RNF111: variants seen among roughly 807,000 people sequenced by gnomAD.
RNF111 encodes ring finger protein 111.
Under a neutral mutation model 95.1 loss-of-function variants are expected in RNF111, and 17 were observed. That is an observed-to-expected ratio of 0.18 (90% CI 0.12 to 0.27). The LOEUF is 0.27. RNF111 is among the 10% of genes least tolerant of loss of function. The pLI, the probability that RNF111 is intolerant of heterozygous loss-of-function variation, is 1.00. For synonymous variants in RNF111, 440 were observed against 414.8 expected (o/e 1.06, Z -0.74); for missense variants, 1,189 against 1,210.4 (o/e 0.98, Z 0.26).
intron 5 of RNF111, among the ~76,000 whole-genome samples, chr15:59,061,827 A>C (rs2042450254): frequency 6.6e-6 from 1 of 152,074 alleles, no homozygotes; most frequent in African/African-American, 2.4e-5. Flanking sequence ...TGTCACACTA[A>C]ACTCTTTCCT....
At chr15:59,054,907 A>G (rs559677011) in intron 3 of RNF111, among the ~76,000 whole-genome samples, 3 of 152,292 alleles carry the variant, frequency 2.0e-5, no homozygotes, top group East Asian at 1.9e-4. Flanking sequence ...TTTCTAAAAG[A>G]TTTATTTTTT....
At chr15:59,091,740 G>A (rs535428768) in intron 12 of RNF111, among the ~76,000 whole-genome samples, 7 of 152,180 alleles carry the variant, frequency 4.6e-5, no homozygotes, top group South Asian at 4.1e-4. Context: ...TTGACACCAG[G>A]GACCAGTTTT....
intron 1 of RNF111, among the ~76,000 whole-genome samples, chr15:59,015,821 G>A (rs1273272616): frequency 3.9e-5 from 6 of 151,934 alleles, no homozygotes; most frequent in African/African-American, 1.5e-4. Context: ...TTCCTACAGA[G>A]TGCTTTTATT....
rs760677698 is a variant in RNF111 at position 59,066,781 on chromosome 15, A to G, written c.1384A>G (p.Thr462Ala). The change falls in exon 6 of 14, where the codon ACA becomes GCA. Residue 462 changes from threonine (T) to alanine (A), a missense_variant. Thr to Ala is a moderately conservative substitution (Grantham distance 58). This residue lies in a region of RNF111 where 1,024 missense variants were observed against 925.9 expected (regional missense o/e 1.11). Transcript: ENST00000348370. Reference sequence around the variant, plus strand: ...GTTTCAAGATGACTCAAGGAGAACTACATCTAGTGCTGTAACGGAAACTGG... The same window carrying G: ...GTTTCAAGATGACTCAAGGAGAACTGCATCTAGTGCTGTAACGGAAACTGG... The part of the protein sequence containing the change: ...TSIGDDSRRT[T>A]SSAVTETGPP... The G allele has an allele frequency of 2.4e-5, 38 of 1,613,550 alleles. No individual in the cohort carries two copies. The highest frequency in any genetic ancestry group is 7.7e-5 in the South Asian group (7 of 91,058).
chr15:59,062,579 C>T (rs981380659), intron 5 of RNF111, among the ~76,000 whole-genome samples: 3 of 152,148 alleles, frequency 2.0e-5, no homozygotes, highest in Admixed American at 2.0e-4. Context: ...AATTTTTGTT[C>T]TAACAGAGCT....
chr15:59,082,227 G>T (rs2078766029), intron 8 of RNF111, among the ~76,000 whole-genome samples: 1 of 152,114 alleles, frequency 6.6e-6, no homozygotes, highest in Non-Finnish European at 1.5e-5. Context: ...AATCTGACCA[G>T]TTTTACCATA....
At chr15:59,011,366 T>C (rs1279342557) in intron 1 of RNF111, among the ~76,000 whole-genome samples, 2 of 152,212 alleles carry the variant, frequency 1.3e-5, no homozygotes, top group Non-Finnish European at 1.5e-5. Context: ...TCAGGACTGG[T>C]CTGTGTCTTT....
Position 59,052,425 on chromosome 15 carries a change from G to T in RNF111, c.1001G>T (p.Ser334Ile). The change falls in exon 3 of 14, where the codon AGC becomes ATC. Residue 334 changes from serine to isoleucine, a missense_variant. Ser to Ile is a moderately radical substitution (Grantham distance 142). This residue lies in a region of RNF111 where 1,024 missense variants were observed against 925.9 expected (regional missense o/e 1.11). Transcript: ENST00000348370. Reference sequence around the variant, plus strand: ...GTGGAGATTGTAACAGTTGGAGAAAGCTATCGGTGAGATTTTAATTCTTAG... The same window carrying T: ...GTGGAGATTGTAACAGTTGGAGAAATCTATCGGTGAGATTTTAATTCTTAG... ...SEVEIVTVGE[S>I]YRSRSTLGHS... 6.4e-7 allele frequency: 1 copy of T among 1,565,660 alleles called. No individual in the cohort carries two copies. Among genetic ancestry groups the T allele is most frequent in the Non-Finnish European group, 8.6e-7 (1 of 1,161,988 alleles).
At chr15:59,054,234 G>T (rs1008359449) in intron 3 of RNF111, among the ~76,000 whole-genome samples, 1 of 152,162 alleles carries the variant, frequency 6.6e-6, no homozygotes, top group African/African-American at 2.4e-5. Flanking sequence ...ACCACGCCTG[G>T]CCTGGCCCTT....
chr15:58,994,766 G>T (rs2038978225), intron 1 of RNF111, among the ~76,000 whole-genome samples: 1 of 151,878 alleles, frequency 6.6e-6, no homozygotes. Context: ...TTTGCGCCTG[G>T]CCCCTTATTC....
chr15:59,016,529 T>C (rs1328716735), intron 1 of RNF111, among the ~76,000 whole-genome samples: 1 of 152,212 alleles, frequency 6.6e-6, no homozygotes, highest in African/African-American at 2.4e-5. Flanking sequence ...GCATATAAAG[T>C]AGTTATTCTG....
In RNF111 at chr15:59,093,712, G is replaced by A. The variant is rs80003295; in HGVS notation, c.2844-1071G>A. Among the ~76,000 whole-genome samples the A allele has an allele frequency of 6.7e-3, 1,016 of 151,674 alleles. 14 individuals are homozygous for A. The highest frequency in any genetic ancestry group is 0.024 in the African/African-American group (972 of 41,312). ...GTTAACATAATGCCATATGAAACAG[G>A]TTCTATATCATATATAACAGAACCT... On this transcript the variant is annotated intron_variant, in intron 13 of 13. Coordinates refer to ENST00000348370, the MANE Select transcript of RNF111 (RefSeq NM_017610.8).
At chr15:59,067,207 CCTG>C (rs1456801839) in intron 6 of RNF111, 124 bp downstream of exon 6, 1 of 838,178 alleles carries the variant, frequency 1.2e-6, no homozygotes, top group Non-Finnish European at 1.8e-6. Flanking sequence ...CATTTCTCTC[CCTG>C]CTTTCTTCCC....
chr15:59,023,052 G>C (rs2040423784), intron 1 of RNF111, among the ~76,000 whole-genome samples: 1 of 152,184 alleles, frequency 6.6e-6, no homozygotes, highest in Non-Finnish European at 1.5e-5. Flanking sequence ...TTCGAGACCA[G>C]CCTGGCCAAC....
chr15:59,004,847 A>G (rs2039467910), intron 1 of RNF111, among the ~76,000 whole-genome samples: 1 of 152,222 alleles, frequency 6.6e-6, no homozygotes, highest in Non-Finnish European at 1.5e-5. Flanking sequence ...TATGGCCTAT[A>G]ATATGGGAAA....
At position 59,094,649 on chromosome 15, in the gene RNF111, C is replaced by G. The variant is rs1016179666; in HGVS notation, c.2844-134C>G. On this transcript the variant is annotated intron_variant, in intron 13 of 13. Transcript: ENST00000348370. ...ATATTGCCCAGAGTGCTAATTTAATCGATGTGTTTTTTATAGAAGAGGAAG... is the reference window on the plus strand; with the variant it reads ...ATATTGCCCAGAGTGCTAATTTAATGGATGTGTTTTTTATAGAAGAGGAAG... 1.5e-5 allele frequency: 9 copies of G among 583,178 alleles called. No individual in the cohort carries two copies. The Admixed American group carries it at 1.7e-4, about 11-fold the overall frequency. 36.1% of individuals were successfully genotyped at this position (583,178 alleles called of 1,614,324 possible). A position where few individuals can be genotyped will look rare whatever the true frequency, so the allele number is the denominator to read the frequency against.
chr15:59,031,769 T>G (rs1357761335), intron 2 of RNF111, 67 bp downstream of exon 2: 7 of 1,388,232 alleles, frequency 5.0e-6, no homozygotes, highest in Non-Finnish European at 6.9e-6. Flanking sequence ...ATTTTTTGTT[T>G]GTGTCTTACT....
At chr15:59,044,604 A>G (rs2041621389) in intron 2 of RNF111, among the ~76,000 whole-genome samples, 1 of 152,146 alleles carries the variant, frequency 6.6e-6, no homozygotes, top group Non-Finnish European at 1.5e-5. Context: ...AAAGCTATAA[A>G]CAACCTAACT....
At chr15:59,003,818 G>A (rs567029351) in intron 1 of RNF111, among the ~76,000 whole-genome samples, 3 of 152,328 alleles carry the variant, frequency 2.0e-5, no homozygotes, top group African/African-American at 7.2e-5. Flanking sequence ...TGATGCCAGT[G>A]CCTAAAACAA....
Sources: allele counts gnomAD v4.1 joint callset (sites outside exome capture counted in the v4.1 genomes callset), GRCh38; gene constraint gnomAD v4.1.1; regional missense constraint gnomAD v4.1.1; transcripts MANE v1.5; gene names NCBI Gene and HGNC (gene_info 2026-07-23, HGNC 2026-07-21).